SMYD3: variants seen among roughly 807,000 people sequenced by gnomAD.
SMYD3 encodes the protein SET and MYND domain containing 3.
SMYD3 carries 36 observed loss-of-function variants against 57.7 expected under a neutral mutation model. The observed-to-expected ratio is 0.62, with a 90% CI of 0.48 to 0.82. The LOEUF (loss-of-function observed/expected upper bound fraction) is 0.82, where lower values mean the gene tolerates loss of function less well. SMYD3 is among the 40% of genes least tolerant of loss of function. The pLI is 0.00. For synonymous variants in SMYD3, 211 were observed against 195.0 expected, an observed-to-expected ratio of 1.08 and a Z score of -0.68; for missense variants, 515 against 538.8, an observed-to-expected ratio of 0.96 and a Z score of 0.44.
intron 1 of SMYD3, among the ~76,000 whole-genome samples, chr1:246,362,995 G>C (rs945409689): frequency 4.6e-5 from 7 of 151,642 alleles, no homozygotes; most frequent in Admixed American, 4.6e-4. Flanking sequence ...CTGCCCAGCC[G>C]CCATCCCATC....
chr1:245,813,117 T>A (rs561769985), intron 10 of SMYD3, among the ~76,000 whole-genome samples: 4 of 147,468 alleles, frequency 2.7e-5, no homozygotes, highest in African/African-American at 7.5e-5. Flanking sequence ...CAGGTTCAAG[T>A]GATTCTCCTG....
chr1:246,407,706 G>A (rs1158692963), intron 1 of SMYD3, among the ~76,000 whole-genome samples: 5 of 152,092 alleles, frequency 3.3e-5, no homozygotes, highest in Admixed American at 2.0e-4. Flanking sequence ...GCCAGGAGTG[G>A]TGGCAAGCGC....
intron 1 of SMYD3, among the ~76,000 whole-genome samples, chr1:246,421,357 A>G (rs927498514): frequency 6.6e-6 from 1 of 152,186 alleles, no homozygotes; most frequent in Non-Finnish European, 1.5e-5. Flanking sequence ...AAAAGTTACC[A>G]AAAGAATTTT....
At chr1:246,200,117 G>T (rs61841260) in intron 5 of SMYD3, among the ~76,000 whole-genome samples, 4 of 90,026 alleles carry the variant, frequency 4.4e-5, no homozygotes, top group Admixed American at 2.3e-4. Flanking sequence ...GTACACAGAC[G>T]TCCACTGTAA....
At chr1:246,154,874 C>T (rs1337167894) in intron 5 of SMYD3, among the ~76,000 whole-genome samples, 2 of 151,816 alleles carry the variant, frequency 1.3e-5, no homozygotes, top group Non-Finnish European at 2.9e-5. Context: ...CTCCGCCTCC[C>T]GGGTTCATGT....
intron 5 of SMYD3, among the ~76,000 whole-genome samples, chr1:246,163,521 T>C (rs1297733229): frequency 6.6e-6 from 1 of 152,218 alleles, no homozygotes; most frequent in Admixed American, 6.5e-5. Context: ...CTGCTAGACT[T>C]GGAACAGATC....
chr1:245,877,830 G>A (rs961692625), intron 8 of SMYD3, among the ~76,000 whole-genome samples: 1 of 152,232 alleles, frequency 6.6e-6, no homozygotes, highest in Non-Finnish European at 1.5e-5. Context: ...CTAGGAAGCG[G>A]GAAATATGAA....
rs55709330 is a variant in SMYD3, at chr1:246,503,954, T to TAA, written c.164+3098_164+3099dup. Among the ~76,000 whole-genome samples the TAA allele has an allele frequency of 1.1e-3, 140 of 128,350 alleles. 1 individual carries two copies. The highest frequency in any genetic ancestry group is 1.4e-3 in the African/African-American group (46 of 33,094). The allele number at this position is 128,350 out of a possible 152,430, so 84.2% of individuals were successfully genotyped here. A position where few individuals can be genotyped will look rare whatever the true frequency, so the allele number is the denominator to read the frequency against. ...GGGCAACAAGAGCAAAACTCCATCT[T>TAA]AAAAAAAAAAAAAAAAAAAAAAAAG... On this transcript the variant is annotated intron_variant, in intron 1 of 11. Coordinates refer to ENST00000490107, the MANE Select transcript of SMYD3 (RefSeq NM_001167740.2).
intron 5 of SMYD3, among the ~76,000 whole-genome samples, chr1:246,025,340 C>G (rs918543597): frequency 1.3e-5 from 2 of 152,084 alleles, no homozygotes; most frequent in African/African-American, 2.4e-5. Flanking sequence ...GAAGATACAG[C>G]AAATCTAATT....
chr1:245,801,832 C>T lies in SMYD3; in HGVS notation c.1077-37683G>A, dbSNP rs1301371758. Among the ~76,000 whole-genome samples, 5 of 147,216 alleles carry T rather than the reference C, an allele frequency of 3.4e-5. No individual in the cohort carries two copies. The East Asian group carries it at 6.0e-4, about 18-fold the overall frequency. On this transcript the variant is annotated intron_variant, in intron 10 of 11. Transcript: ENST00000490107. ...AGCATGTAGCTTTAAAAAAACAAAA[C>T]AAAACAAAACTCTGTGGAAGGATCT... is the stretch of plus-strand genomic sequence containing the variant.
intron 5 of SMYD3, among the ~76,000 whole-genome samples, chr1:245,993,943 C>T (rs2058869864): frequency 6.6e-6 from 1 of 152,170 alleles, no homozygotes; most frequent in South Asian, 2.1e-4. Context: ...CATTAAACTA[C>T]AATATCCAAT....
At chr1:246,201,992 A>G (rs936619685) in intron 5 of SMYD3, among the ~76,000 whole-genome samples, 3 of 151,858 alleles carry the variant, frequency 2.0e-5, no homozygotes, top group Non-Finnish European at 2.9e-5. Flanking sequence ...CAGCCTGGGC[A>G]ACAGAGACTC....
intron 5 of SMYD3, among the ~76,000 whole-genome samples, chr1:246,013,977 G>C (rs1057424659): frequency 1.3e-5 from 2 of 152,198 alleles, no homozygotes; most frequent in Non-Finnish European, 2.9e-5. Flanking sequence ...ACATCACCTA[G>C]AGTTCAGAGG....
At chr1:245,950,076 C>A (rs1440532694) in intron 5 of SMYD3, among the ~76,000 whole-genome samples, 1 of 152,076 alleles carries the variant, frequency 6.6e-6, no homozygotes, top group Non-Finnish European at 1.5e-5. Flanking sequence ...AATTTAAGGA[C>A]ACAAGAAACA....
intron 5 of SMYD3, among the ~76,000 whole-genome samples, chr1:246,105,024 C>G (rs908551639): frequency 6.6e-6 from 1 of 152,142 alleles, no homozygotes; most frequent in Non-Finnish European, 1.5e-5. Context: ...AGGAGGGTGG[C>G]AGTCGGTGAA....
At chr1:246,294,417 G>A (rs2064754956) in intron 5 of SMYD3, among the ~76,000 whole-genome samples, 1 of 152,144 alleles carries the variant, frequency 6.6e-6, no homozygotes, top group Non-Finnish European at 1.5e-5. Context: ...GCCTGTAAGT[G>A]TTCAGCTAAG....
In SMYD3 at chr1:246,416,727, G is replaced by A. The variant is rs182356923; in HGVS notation, c.165-61633C>T. On this transcript the variant is annotated intron_variant, in intron 1 of 11. Coordinates refer to ENST00000490107, the MANE Select transcript of SMYD3 (RefSeq NM_001167740.2). ...CTGAAGTATGGTGCTTTCATATGCT[G>A]GGCACTTCCGAATTTTAAAAAAACA... Among the ~76,000 whole-genome samples the A allele has an allele frequency of 3.0e-4, 45 of 151,754 alleles. No individual in the cohort carries two copies. The East Asian group carries it at 7.5e-3, about 25-fold the overall frequency.
intron 5 of SMYD3, among the ~76,000 whole-genome samples, chr1:246,081,951 C>T (rs1383521005): frequency 3.9e-5 from 6 of 152,276 alleles, no homozygotes; most frequent in South Asian, 4.2e-4. Context: ...AAGGCCAAAT[C>T]GAGCTCCTGG....
chr1:246,391,354 T>C lies in SMYD3; in HGVS notation c.165-36260A>G, dbSNP rs566353886. On this transcript the variant is annotated intron_variant, in intron 1 of 11. Transcript: ENST00000490107. ...TTGATTCCACCACTGCACTCCAGCCTGAGAAACAAAGCGAGACCTTATTGA... is the reference window on the plus strand; with the variant it reads ...TTGATTCCACCACTGCACTCCAGCCCGAGAAACAAAGCGAGACCTTATTGA... Among the ~76,000 whole-genome samples, 4 of 145,426 alleles carry C rather than the reference T, an allele frequency of 2.8e-5. No individual in the cohort carries two copies. In the East Asian group the frequency reaches 8.1e-4, roughly 29 times the overall value.
Sources: allele counts gnomAD v4.1 joint callset (sites outside exome capture counted in the v4.1 genomes callset), GRCh38; gene constraint gnomAD v4.1.1; transcripts MANE v1.5; gene names NCBI Gene and HGNC (gene_info 2026-07-23, HGNC 2026-07-21).